The following ZNF723 variants were observed in gnomAD, a reference collection of about 807,000 sequenced individuals.
ZNF723 encodes zinc finger protein 723, also known as zinc finger protein 723, pseudogene.
Under a neutral mutation model 9.4 loss-of-function variants are expected in ZNF723, and 5 were observed. That is an observed-to-expected ratio of 0.53 (90% CI 0.28 to 1.12). The LOEUF is 1.12. Ranked by LOEUF, ZNF723 falls within the 50% of genes most tolerant of loss-of-function variation. The pLI is 0.10. For missense variants in ZNF723, 450 were observed against 501.5 expected (o/e 0.90, Z 0.98); for synonymous variants, 158 against 168.8 (o/e 0.94, Z 0.49).
chr19:22,853,482 A>G (rs1014949298), intron 3 of ZNF723, among the ~76,000 whole-genome samples: 2 of 152,068 alleles, frequency 1.3e-5, no homozygotes, highest in African/African-American at 4.8e-5. Context: ...TAATTTTTAT[A>G]TATTTATAAA....
chr19:22,823,116 C>T, the ZNF723 span, among the ~76,000 whole-genome samples: 1 of 152,098 alleles, frequency 6.6e-6, no homozygotes, highest in Non-Finnish European at 1.5e-5. Flanking sequence ...GCTCTCATTC[C>T]TGGGCTTAGG....
chr19:22,825,425 G>A, the ZNF723 span, among the ~76,000 whole-genome samples: 1 of 152,228 alleles, frequency 6.6e-6, no homozygotes, highest in Non-Finnish European at 1.5e-5. Flanking sequence ...GATTTTTACA[G>A]ACCTATTTGC....
chr19:22,833,573 C>T (rs1196365965), intron 1 of ZNF723, among the ~76,000 whole-genome samples: 2 of 152,040 alleles, frequency 1.3e-5, no homozygotes, highest in African/African-American at 4.8e-5. Context: ...TCTGACAATT[C>T]CAAACGCTAA....
At chr19:22,834,224 A>C (rs1237749270) in intron 1 of ZNF723, among the ~76,000 whole-genome samples, 2 of 151,754 alleles carry the variant, frequency 1.3e-5, no homozygotes, top group Admixed American at 6.6e-5. Flanking sequence ...CCTGGTGTAC[A>C]TTCTTGATAA....
chr19:22,830,492 CA>C (rs1262805656), upstream of ZNF723, among the ~76,000 whole-genome samples: 3 of 150,778 alleles, frequency 2.0e-5, no homozygotes, highest in African/African-American at 7.4e-5. Flanking sequence ...GGACTATTCT[CA>C]ATAATAAAGA....
At chr19:22,824,383 A>G in the ZNF723 span, among the ~76,000 whole-genome samples, 2 of 152,026 alleles carry the variant, frequency 1.3e-5, no homozygotes, top group Admixed American at 1.3e-4. Flanking sequence ...TTCCTGTCCT[A>G]GCATCCAAGT....
chr19:22,821,976 G>T, the ZNF723 span, among the ~76,000 whole-genome samples: 1 of 152,158 alleles, frequency 6.6e-6, no homozygotes, highest in Non-Finnish European at 1.5e-5. Flanking sequence ...CAGTTGTGGT[G>T]GTGTGCGTCT....
chr19:22,834,419 C>T (rs748802198), intron 1 of ZNF723, among the ~76,000 whole-genome samples: 1 of 150,148 alleles, frequency 6.7e-6, no homozygotes, highest in Non-Finnish European at 1.5e-5. Context: ...CTTATGAGAA[C>T]GTTTTGGGGT....
At chr19:22,827,453 TG>T (rs758417992), upstream of ZNF723, among the ~76,000 whole-genome samples, 14,393 of 151,538 alleles carry the variant, frequency 0.095, 750 homozygotes, top group Middle Eastern at 0.15. Flanking sequence ...TTTGTTTGTT[TG>T]TTTGTTTGTT....
chr19:22,840,257 C>T (rs570365265), intron 1 of ZNF723, among the ~76,000 whole-genome samples: 42 of 151,784 alleles, frequency 2.8e-4, no homozygotes, highest in Non-Finnish European at 5.0e-4. Context: ...CTGCAATCTC[C>T]GCCTCCTGGG....
chr19:22,828,975 C>T (rs1383305714), upstream of ZNF723, among the ~76,000 whole-genome samples: 1 of 152,056 alleles, frequency 6.6e-6, no homozygotes, highest in Admixed American at 6.6e-5. Flanking sequence ...GAGTTCAAGA[C>T]CAGTCTGGCC....
intron 1 of ZNF723, among the ~76,000 whole-genome samples, chr19:22,833,052 T>C (rs192511372): frequency 1.3e-5 from 2 of 152,322 alleles, no homozygotes; most frequent in African/African-American, 4.8e-5. Flanking sequence ...GTAGTAATTT[T>C]TTAAAAATAA....
chr19:22,819,521 AT>A, the ZNF723 span, among the ~76,000 whole-genome samples: 6 of 152,210 alleles, frequency 3.9e-5, no homozygotes, highest in African/African-American at 1.4e-4. Context: ...CAGGACTGTG[AT>A]ATGTCACTTG....
At chr19:22,848,496 A>T in intron 2 of ZNF723, 109 bp downstream of exon 2, 2 of 854,872 alleles carry the variant, frequency 2.3e-6, no homozygotes, top group Non-Finnish European at 3.6e-6. Context: ...GTTTCACATC[A>T]CTGTTTTGAA....
chr19:22,844,022 C>G (rs1967279026), intron 1 of ZNF723, among the ~76,000 whole-genome samples: 1 of 152,110 alleles, frequency 6.6e-6, no homozygotes. Flanking sequence ...TATTTGGGGT[C>G]TTGTTTAGAT....
intron 3 of ZNF723, among the ~76,000 whole-genome samples, chr19:22,854,725 A>G (rs1967448494): frequency 6.6e-6 from 1 of 152,126 alleles, no homozygotes; most frequent in Non-Finnish European, 1.5e-5. Context: ...ATTTTAATCT[A>G]GTAAAAAGTG....
intron 1 of ZNF723, among the ~76,000 whole-genome samples, chr19:22,833,948 T>TC (rs59491723): frequency 2.2e-5 from 3 of 135,960 alleles, no homozygotes; most frequent in African/African-American, 3.3e-5. Flanking sequence ...TTTTTTTTTT[T>TC]CCGAGTCTCC....
intron 1 of ZNF723, among the ~76,000 whole-genome samples, chr19:22,833,207 C>T (rs1967119674): frequency 6.6e-6 from 1 of 151,932 alleles, no homozygotes; most frequent in South Asian, 2.1e-4. Context: ...GACTGGAGTA[C>T]CGTGGCGCAA....
chr19:22,821,773 T>G, the ZNF723 span, among the ~76,000 whole-genome samples: 3 of 152,228 alleles, frequency 2.0e-5, no homozygotes, highest in Non-Finnish European at 4.4e-5. Context: ...GGTAGAGTCC[T>G]GGATCACCTA....
Sources: allele counts gnomAD v4.1 joint callset (sites outside exome capture counted in the v4.1 genomes callset), GRCh38; gene constraint gnomAD v4.1.1; transcripts MANE v1.5; gene names NCBI Gene and HGNC (gene_info 2026-07-23, HGNC 2026-07-21).